SAMD8: variants seen among roughly 807,000 people sequenced by gnomAD.
SAMD8 encodes sterile alpha motif domain containing 8, also known as sphingomyelin synthase-related protein 1.
Under a neutral mutation model 42.0 loss-of-function variants are expected in SAMD8, and 20 were observed. The ratio of observed to expected loss-of-function variants is 0.48; its 90% CI spans 0.34 to 0.69. SAMD8 has a LOEUF of 0.69. SAMD8 is among the 30% of genes least tolerant of loss of function. The pLI, the probability that SAMD8 is intolerant of heterozygous loss-of-function variation, is 0.01. For missense variants in SAMD8, 328 were observed against 511.6 expected, an observed-to-expected ratio of 0.64 and a Z score of 3.46; for synonymous variants, 162 against 173.0, an observed-to-expected ratio of 0.94 and a Z score of 0.50.
chr10:75,174,430 C>CTT lies in SAMD8; in HGVS notation c.793-1616_793-1615dup, dbSNP rs1159237277. 3.6e-3 allele frequency among the ~76,000 whole-genome samples: 368 copies of CTT among 102,676 alleles called. 6 individuals carry two copies. The highest frequency in any genetic ancestry group is 9.8e-3 in the African/African-American group (264 of 27,016). The allele number at this position is 102,676 out of a possible 152,430, so 67.4% of individuals were successfully genotyped here. The stretch of plus-strand genomic sequence containing the variant: ...AGGCGTGAGCCACCGTGCCTGGCCT[C>CTT]TTTTTTTTTTTTTTTTTTTTTGAGA... On this transcript the variant is annotated intron_variant, in intron 4 of 5. Transcript: ENST00000542569.
intron 2 of SAMD8, among the ~76,000 whole-genome samples, chr10:75,158,233 T>TA (rs896678172): frequency 1.3e-5 from 2 of 150,324 alleles, no homozygotes; most frequent in African/African-American, 2.5e-5. Context: ...AAGCAAAAAA[T>TA]AAAAAAACAA....
chr10:75,151,896 C>T (rs1185794192), intron 2 of SAMD8, among the ~76,000 whole-genome samples: 1 of 152,054 alleles, frequency 6.6e-6, no homozygotes, highest in Non-Finnish European at 1.5e-5. Flanking sequence ...ACCATATTGG[C>T]CAGACTGGTC....
At chr10:75,166,397 T>TA (rs34669331) in intron 3 of SAMD8, among the ~76,000 whole-genome samples, 31,088 of 145,078 alleles carry the variant, frequency 0.21, 3,615 homozygotes, top group African/African-American at 0.31. Flanking sequence ...TGAGATTGCT[T>TA]AAAAAAAAAA....
upstream of SAMD8, among the ~76,000 whole-genome samples, chr10:75,109,761 G>C (rs980255856): frequency 6.6e-6 from 1 of 152,092 alleles, no homozygotes; most frequent in Admixed American, 6.5e-5. Context: ...AAGAGACATG[G>C]AGAGCTTCCT....
At chr10:75,119,983 G>T (rs1205145911) in intron 1 of SAMD8, among the ~76,000 whole-genome samples, 17 of 152,130 alleles carry the variant, frequency 1.1e-4, no homozygotes, top group Non-Finnish European at 2.9e-5. Flanking sequence ...CAAGGGAATC[G>T]GTTTAACCTG....
At chr10:75,112,916 G>C (rs1283533776) in intron 1 of SAMD8, among the ~76,000 whole-genome samples, 1 of 152,214 alleles carries the variant, frequency 6.6e-6, no homozygotes, top group Non-Finnish European at 1.5e-5. Context: ...CAGTGAACTT[G>C]CCACAGTCTA....
At chr10:75,127,748 T>A (rs944031146) in intron 1 of SAMD8, among the ~76,000 whole-genome samples, 1 of 152,330 alleles carries the variant, frequency 6.6e-6, no homozygotes, top group Admixed American at 6.5e-5. Flanking sequence ...TAATCCCAGT[T>A]ACATGACAGA....
intron 1 of SAMD8, among the ~76,000 whole-genome samples, chr10:75,143,443 T>C (rs1387809364): frequency 2.0e-5 from 3 of 152,238 alleles, no homozygotes; most frequent in Admixed American, 1.3e-4. Flanking sequence ...TTGAAGGACC[T>C]TAAATTTTTG....
intron 1 of SAMD8, among the ~76,000 whole-genome samples, chr10:75,130,455 G>A (rs10824280): frequency 0.25 from 37,942 of 151,964 alleles, 5,256 homozygotes; most frequent in East Asian, 0.59. Context: ...GTGGTGAGCC[G>A]AGATCGTACC....
At chr10:75,103,508 G>A (rs1848308103) in intron 1 of SAMD8, among the ~76,000 whole-genome samples, 1 of 152,184 alleles carries the variant, frequency 6.6e-6, no homozygotes, top group Non-Finnish European at 1.5e-5. Context: ...GGTCTTTAAG[G>A]TCTCTCCCCA....
At chr10:75,112,895 T>C (rs1487857939) in intron 1 of SAMD8, among the ~76,000 whole-genome samples, 1 of 152,174 alleles carries the variant, frequency 6.6e-6, no homozygotes, top group Non-Finnish European at 1.5e-5. Flanking sequence ...AGTTTCTGGG[T>C]GAAGGGGGCA....
chr10:75,129,135 C>A (rs1032491637), intron 1 of SAMD8, among the ~76,000 whole-genome samples: 35 of 122,466 alleles, frequency 2.9e-4, no homozygotes, highest in East Asian at 9.0e-4. Context: ...TCTTCTTCTT[C>A]TTATTTTTTT....
At chr10:75,119,321 A>AT (rs991659346) in intron 1 of SAMD8, among the ~76,000 whole-genome samples, 9 of 151,920 alleles carry the variant, frequency 5.9e-5, no homozygotes, top group East Asian at 5.8e-4. Flanking sequence ...TGCCTAGCTA[A>AT]TTTTTTTGTA....
At chr10:75,120,998 G>A (rs1848993629) in intron 1 of SAMD8, among the ~76,000 whole-genome samples, 1 of 151,674 alleles carries the variant, frequency 6.6e-6, no homozygotes, top group Non-Finnish European at 1.5e-5. Flanking sequence ...GGCTTGTCTT[G>A]AAGTCTTAAC....
At chr10:75,164,434 G>T in intron 2 of SAMD8, 1 of 796,950 alleles carries the variant, frequency 1.3e-6, no homozygotes, top group Non-Finnish European at 1.5e-6. Flanking sequence ...AACCCTAACT[G>T]GGAATCAATG....
chr10:75,172,300 A>G (rs1840886484), intron 4 of SAMD8, among the ~76,000 whole-genome samples: 1 of 152,090 alleles, frequency 6.6e-6, no homozygotes, highest in South Asian at 2.1e-4. Flanking sequence ...CCCAAATAGT[A>G]TTCTAGTTGA....
intron 1 of SAMD8, among the ~76,000 whole-genome samples, chr10:75,147,108 T>A (rs1212496101): frequency 1.3e-5 from 2 of 152,146 alleles, no homozygotes; most frequent in Non-Finnish European, 2.9e-5. Flanking sequence ...TTAGCCTGAT[T>A]GAGGTTGTAA....
At chr10:75,108,080 C>A, upstream of SAMD8, 1 of 1,613,894 alleles carries the variant, frequency 6.2e-7, no homozygotes, top group Non-Finnish European at 8.5e-7. Context: ...CGTGGGCTGG[C>A]ACCCCCAGGT....
At chr10:75,123,165 CCCCACCCCACCCCACCCCA>C (rs1258992076) in intron 1 of SAMD8, among the ~76,000 whole-genome samples, 3 of 23,198 alleles carry the variant, frequency 1.3e-4, no homozygotes, top group Non-Finnish European at 2.0e-4. Flanking sequence ...CCCCACCTCA[CCCCACCCCACCCCACCCCA>C]CCCCACCCCA....
Sources: gnomAD v4.1 joint callset for allele counts (sites outside exome capture counted in the v4.1 genomes callset) on GRCh38, gnomAD v4.1.1 for gene constraint, MANE v1.5 for transcripts, NCBI Gene and HGNC (gene_info 2026-07-23, HGNC 2026-07-21) for gene names.